STXBP2: variants seen among roughly 807,000 people sequenced by gnomAD.
The protein encoded by STXBP2 is syntaxin binding protein 2, also known as syntaxin-binding protein 2.
A neutral mutation model predicts 72.2 loss-of-function variants in STXBP2; 47 were observed. The ratio of observed to expected loss-of-function variants is 0.65; its 90% CI spans 0.51 to 0.83. The LOEUF is 0.83. Ranked by LOEUF, STXBP2 falls within the 40% of genes least tolerant of loss-of-function variation. STXBP2 has a pLI of 0.00. For missense variants in STXBP2, 702 were observed against 807.6 expected (o/e 0.87, Z 1.58); for synonymous variants, 367 against 338.7 (o/e 1.08, Z -0.92).
intron 3 of STXBP2, chr19:7,639,418 T>A (rs1187548871): frequency 3.5e-6 from 2 of 575,216 alleles, no homozygotes; most frequent in African/African-American, 3.7e-5. Flanking sequence ...GTCCCAAGAA[T>A]GCAGAGCCTT....
chr19:7,640,556 G>A (rs1339532737), intron 4 of STXBP2, 175 bp from the exon 5 acceptor site: 2 of 751,656 alleles, frequency 2.7e-6, no homozygotes, highest in Non-Finnish European at 4.7e-6. Context: ...GCGTGCATCT[G>A]TGTGTGTGCG....
At position 7,647,596 on chromosome 19, in the gene STXBP2, G is replaced by C. The variant is rs1198573474; in HGVS notation, c.1696+85G>C. 25 of 1,585,824 alleles carry C rather than the reference G, an allele frequency of 1.6e-5. No individual in the cohort carries two copies. The Admixed American group carries it at 4.3e-4, about 27-fold the overall frequency. On this transcript the variant is annotated intron_variant, in intron 18 of 18. Coordinates refer to ENST00000221283, the MANE Select transcript of STXBP2 (RefSeq NM_006949.4). ...GTACCTTCTAGGTGTCTGGACTCCA[G>C]AGTCCTTGGAGTCAGGGACCTGGTT...
intron 18 of STXBP2, 64 bp downstream of exon 18, chr19:7,647,575 C>T: frequency 1.9e-6 from 3 of 1,579,994 alleles, no homozygotes; most frequent in Non-Finnish European, 2.6e-6. Flanking sequence ...GGGCTTGTAC[C>T]TTCTAGGTGT....
Position 7,647,254 on chromosome 19 carries a change from C to T in STXBP2, c.1538+7C>T, listed in dbSNP as rs757077794. 7 of 1,610,448 alleles carry T rather than the reference C, an allele frequency of 4.3e-6. No homozygotes were observed. Among genetic ancestry groups the T allele is most frequent in the South Asian group, 1.1e-5 (1 of 90,982 alleles). ...GCTCCCAGGCCGCTGTCAGGTGAGG[C>T]CCCGGGGCCGCCCCCGCCCACGCCT... On this transcript the variant is annotated splice_region_variant and intron_variant, in intron 17 of 18. Transcript: ENST00000221283.
At chr19:7,630,786 C>G in the STXBP2 span, 3 of 1,537,188 alleles carry the variant, frequency 2.0e-6, no homozygotes, top group Admixed American at 2.0e-5. Context: ...CTCTGGAGGC[C>G]TTTGGCTCGT....
chr19:7,641,146 C>G, intron 6 of STXBP2, 143 bp downstream of exon 6: 1 of 867,448 alleles, frequency 1.2e-6, no homozygotes, highest in East Asian at 2.6e-5. Flanking sequence ...AGGAGGATCA[C>G]TTGGGGCCAG....
chr19:7,630,139 A>G, the STXBP2 span: 4 of 475,504 alleles, frequency 8.4e-6, no homozygotes, highest in African/African-American at 8.1e-5. Context: ...AAGAAGGAAG[A>G]CTTAAGATCC....
chr19:7,639,940 ATGTGTGTG>A (rs2031732843), intron 4 of STXBP2, 133 bp downstream of exon 4: 1 of 793,084 alleles, frequency 1.3e-6, no homozygotes, highest in African/African-American at 2.6e-5. Context: ...ATGTGTGTGC[ATGTGTGTG>A]CATGTGTGTG....
upstream of STXBP2, chr19:7,632,695 C>T: frequency 6.5e-7 from 1 of 1,549,200 alleles, no homozygotes; most frequent in Non-Finnish European, 8.7e-7. This position sits in a 1 kb window ranked among gnomAD's most constrained non-coding sequence, Gnocchi z 5.2. Context: ...CCATGGACAG[C>T]ACCCCCGTGC....
At position 7,639,222 on chromosome 19, in the gene STXBP2, G is replaced by A. The variant is rs142300035; in HGVS notation, c.169+122G>A. 2,093 of 1,027,774 alleles carry A rather than the reference G, an allele frequency of 2.0e-3. 21 individuals carry two copies. The highest frequency in any genetic ancestry group is 0.017 in the East Asian group (654 of 38,616). The allele number at this position is 1,027,774 out of a possible 1,614,324, so 63.7% of individuals were successfully genotyped here. ...CAAATCGTCCAGAACTCCCAAGTAC[G>A]CAGCTCCCTGCACGGACAGCCCGGA... On this transcript the variant is annotated intron_variant, in intron 3 of 18. Transcript: ENST00000221283.
intron 13 of STXBP2, among the ~76,000 whole-genome samples, 191 bp downstream of exon 13, chr19:7,643,436 G>C (rs1357485781): frequency 6.6e-6 from 1 of 152,036 alleles, no homozygotes; most frequent in Non-Finnish European, 1.5e-5. Flanking sequence ...TAGGATGAGG[G>C]TGTGGCCTGT....
rs780192810 is a variant in STXBP2 at position 7,644,715 on chromosome 19, G to A, written c.1209G>A (p.Lys403=). Residue 403 remains lysine, a synonymous_variant, in exon 14 of 19, where the codon AAG becomes AAA. Transcript: ENST00000221283. ...LLDAAVPAYD[K]IRVLLLYILL... is the part of the protein sequence containing the mutation. ...ACGCGGCGGTGCCCGCCTACGACAAGATCCGGGTCCTGCTGCTCTACATCC... is the reference window on the plus strand; with the variant it reads ...ACGCGGCGGTGCCCGCCTACGACAAAATCCGGGTCCTGCTGCTCTACATCC... 3 of 1,613,830 alleles carry A rather than the reference G, an allele frequency of 1.9e-6. No homozygotes were observed. In the South Asian group the frequency reaches 3.3e-5, roughly 18 times the overall value.
In STXBP2 at chr19:7,646,304, A is replaced by T; in HGVS notation, c.1412A>T (p.Gln471Leu). The T allele has an allele frequency of 6.2e-7, 1 of 1,611,522 alleles. No homozygotes were observed. The highest frequency in any genetic ancestry group is 8.5e-7 in the Non-Finnish European group (1 of 1,179,192). ...EPRERMEPTY[Q>L]LSRWTPVIKD... is the part of the protein sequence containing the mutation. ...AGAGAACGCATGGAGCCCACCTATC[A>T]GCTGTCCCGCTGGACCCCGGTCATC... The change falls in exon 16 of 19, where the codon CAG becomes CTG. Residue 471 changes from glutamine to leucine, a missense_variant. Physicochemically the swap from Gln to Leu is moderately radical, Grantham distance 113. Coordinates refer to ENST00000221283, the MANE Select transcript of STXBP2 (RefSeq NM_006949.4).
chr19:7,645,041 C>T (rs2146227760), intron 14 of STXBP2, 156 bp from the exon 15 acceptor site: 2 of 1,453,716 alleles, frequency 1.4e-6, no homozygotes, highest in East Asian at 2.5e-5. Context: ...CTCCAGGTTT[C>T]CCACTCTTGC....
chr19:7,632,832 TG>T, upstream of STXBP2: 1 of 1,548,170 alleles, frequency 6.5e-7, no homozygotes, highest in Non-Finnish European at 8.7e-7. The surrounding 1 kb of genome is among the most constrained non-coding windows in gnomAD (Gnocchi z 5.2). Flanking sequence ...GGAGCCCGCC[TG>T]GGGACAGACT....
chr19:7,636,760 C>T, upstream of STXBP2: 1 of 206,400 alleles, frequency 4.8e-6, no homozygotes, highest in Non-Finnish European at 9.7e-6. Flanking sequence ...GTCAAGATCC[C>T]AGGCCCAGAC....
In STXBP2 at chr19:7,641,131, A is replaced by AGGGCAGGAGGATCACTTGG. The variant is rs748987519; in HGVS notation, c.429+131_429+149dup. The AGGGCAGGAGGATCACTTGG allele has an allele frequency of 9.3e-6, 9 of 965,728 alleles. No individual in the cohort carries two copies. The East Asian group carries it at 2.3e-4, about 25-fold the overall frequency. 59.8% of individuals were successfully genotyped at this position (965,728 alleles called of 1,614,324 possible). On this transcript the variant is annotated intron_variant, in intron 6 of 18. Coordinates refer to ENST00000221283, the MANE Select transcript of STXBP2 (RefSeq NM_006949.4). Reference sequence around the variant, plus strand: ...TGTAATCCCAGCGCTGTGGGAGGCCAGGGCAGGAGGATCACTTGGGGCCAG... The same window carrying AGGGCAGGAGGATCACTTGG: ...TGTAATCCCAGCGCTGTGGGAGGCCAGGGCAGGAGGATCACTTGGGGGCAGGAGGATCACTTGGGGCCAG...
intron 18 of STXBP2, 55 bp from the exon 19 acceptor site, chr19:7,647,670 C>CA (rs2146234491): frequency 6.2e-7 from 1 of 1,607,692 alleles, no homozygotes; most frequent in Non-Finnish European, 8.5e-7. Context: ...GGGAGCCTGT[C>CA]AAAGACGAAG....
Position 7,647,259 on chromosome 19 carries a change from G to A in STXBP2, c.1538+12G>A, listed in dbSNP as rs748313252. On this transcript the variant is annotated intron_variant, in intron 17 of 18. Transcript: ENST00000221283. ...CAGGCCGCTGTCAGGTGAGGCCCCG[G>A]GGCCGCCCCCGCCCACGCCTGGGTC... The A allele has an allele frequency of 6.2e-7, 1 of 1,610,520 alleles. No individual in the cohort carries two copies. The highest frequency in any genetic ancestry group is 2.2e-5 in the East Asian group (1 of 44,830).
Sources: gnomAD v4.1 joint callset for allele counts (sites outside exome capture counted in the v4.1 genomes callset) on GRCh38, gnomAD v4.1.1 for gene constraint, Gnocchi (gnomAD v3.1) non-coding constraint, MANE v1.5 for transcripts, NCBI Gene and HGNC (gene_info 2026-07-23, HGNC 2026-07-21) for gene names.